The following PDSS2 variants were observed in gnomAD, a reference collection of about 807,000 sequenced individuals.
PDSS2 encodes decaprenyl diphosphate synthase subunit 2.
A neutral mutation model predicts 44.5 loss-of-function variants in PDSS2; 31 were observed. That is an observed-to-expected ratio of 0.70 (90% CI 0.52 to 0.94). The LOEUF (loss-of-function observed/expected upper bound fraction) is 0.94. PDSS2 is among the 40% of genes least tolerant of loss of function. PDSS2 has a pLI of 0.00. For synonymous variants in PDSS2, 157 were observed against 180.3 expected, an observed-to-expected ratio of 0.87 and a Z score of 1.03; for missense variants, 452 against 482.2, an observed-to-expected ratio of 0.94 and a Z score of 0.59.
At chr6:107,445,292 C>T (rs572340008) in intron 1 of PDSS2, among the ~76,000 whole-genome samples, 1 of 152,026 alleles carries the variant, frequency 6.6e-6, no homozygotes, top group African/African-American at 2.4e-5. Flanking sequence ...ACAGTTGATG[C>T]ATGTTGTTAC....
intron 3 of PDSS2, among the ~76,000 whole-genome samples, chr6:107,254,477 T>TG (rs1425647008): frequency 1.3e-5 from 2 of 152,234 alleles, no homozygotes; most frequent in African/African-American, 4.8e-5. Context: ...GAGAATTGAA[T>TG]ACTTGGTCAT....
At chr6:107,265,436 C>T (rs1007817043) in intron 3 of PDSS2, among the ~76,000 whole-genome samples, 1 of 152,056 alleles carries the variant, frequency 6.6e-6, no homozygotes, top group Admixed American at 6.6e-5. Context: ...ACTTTAATTA[C>T]CAATATACAT....
chr6:107,300,627 G>C (rs376172846), intron 2 of PDSS2, among the ~76,000 whole-genome samples: 18 of 152,304 alleles, frequency 1.2e-4, no homozygotes, highest in South Asian at 2.1e-4. Flanking sequence ...GAGAGCACAG[G>C]GGGAGGGACA....
intron 1 of PDSS2, among the ~76,000 whole-genome samples, chr6:107,407,722 T>C (rs1562520131): frequency 6.6e-6 from 1 of 152,172 alleles, no homozygotes; most frequent in Non-Finnish European, 1.5e-5. Context: ...TTTTTTGAGA[T>C]GGAGTCTCGC....
chr6:107,197,740 A>T, intron 6 of PDSS2: 3 of 454,770 alleles, frequency 6.6e-6, no homozygotes, highest in South Asian at 4.8e-5. Flanking sequence ...CACTGAGCAC[A>T]TCTGTCATTT....
At chr6:107,423,808 C>A (rs987271894) in intron 1 of PDSS2, among the ~76,000 whole-genome samples, 1 of 152,096 alleles carries the variant, frequency 6.6e-6, no homozygotes. Flanking sequence ...CACTCCTCTT[C>A]CTGATTTCCA....
At chr6:107,196,174 T>C (rs955322547) in intron 6 of PDSS2, among the ~76,000 whole-genome samples, 1 of 152,204 alleles carries the variant, frequency 6.6e-6, no homozygotes, top group Non-Finnish European at 1.5e-5. Context: ...TATTTTATAT[T>C]TATTCGTTTG....
At chr6:107,429,901 A>AAAAAAATATATAT (rs1166637352) in intron 1 of PDSS2, among the ~76,000 whole-genome samples, 19 of 31,816 alleles carry the variant, frequency 6.0e-4, no homozygotes, top group Non-Finnish European at 6.9e-4. Flanking sequence ...AAAAAAAAAA[A>AAAAAAATATATAT]ATATATATAT....
At chr6:107,288,568 G>A in intron 2 of PDSS2, among the ~76,000 whole-genome samples, 1 of 152,040 alleles carries the variant, frequency 6.6e-6, no homozygotes. Flanking sequence ...GATTTGGAGG[G>A]AAGTAGGGGA....
At chr6:107,242,397 G>A (rs1367161875) in intron 4 of PDSS2, among the ~76,000 whole-genome samples, 5 of 151,840 alleles carry the variant, frequency 3.3e-5, no homozygotes, top group Non-Finnish European at 7.4e-5. Context: ...CTGAGTAGCT[G>A]GGACCACAGG....
rs564179360 is a variant in PDSS2 at position 107,369,201 on chromosome 6, C to T, written c.297-34869G>A. ...TTGGGAGGCCAAGGTTGGCAGATCA[C>T]GAGGTCAGGAGTTCGAGACTAGCCT... is the stretch of plus-strand genomic sequence containing the variant. On this transcript the variant is annotated intron_variant, in intron 1 of 7. Transcript: ENST00000369037. Among the ~76,000 whole-genome samples the T allele has an allele frequency of 7.4e-4, 112 of 152,236 alleles. 1 individual carries two copies. The Middle Eastern group carries it at 0.014, about 18-fold the overall frequency.
At chr6:107,316,536 T>C (rs1777205291) in intron 2 of PDSS2, among the ~76,000 whole-genome samples, 1 of 152,180 alleles carries the variant, frequency 6.6e-6, no homozygotes, top group African/African-American at 2.4e-5. Flanking sequence ...CCTGAATGGA[T>C]TGTTAGGTGG....
chr6:107,192,173 G>C (rs936250842), intron 7 of PDSS2: 1 of 176,252 alleles, frequency 5.7e-6, no homozygotes, highest in African/African-American at 2.4e-5. Context: ...TCCACAGCCT[G>C]CGTTTGGGTA....
chr6:107,222,181 A>T (rs1343008054), intron 4 of PDSS2, among the ~76,000 whole-genome samples: 2 of 151,470 alleles, frequency 1.3e-5, no homozygotes, highest in African/African-American at 4.9e-5. Context: ...ATACCTTATT[A>T]TTTTTTTTAA....
intron 2 of PDSS2, among the ~76,000 whole-genome samples, chr6:107,322,985 C>T (rs1562461650): frequency 2.6e-5 from 4 of 152,202 alleles, no homozygotes; most frequent in Admixed American, 2.6e-4. Context: ...ATCAACACCA[C>T]CCACTTTCAG....
intron 7 of PDSS2, among the ~76,000 whole-genome samples, chr6:107,170,613 C>CTT (rs1562349448): frequency 2.1e-4 from 12 of 58,214 alleles, no homozygotes; most frequent in Non-Finnish European, 5.2e-4. Context: ...ACCACCCCCC[C>CTT]CCCCCCACTT....
intron 3 of PDSS2, among the ~76,000 whole-genome samples, chr6:107,262,418 A>G (rs980577182): frequency 2.3e-4 from 35 of 152,176 alleles, no homozygotes; most frequent in African/African-American, 8.2e-4. Context: ...GAAGACATAA[A>G]CCAAGGATCT....
chr6:107,192,864 G>T (rs891108909), intron 7 of PDSS2, among the ~76,000 whole-genome samples: 7 of 152,106 alleles, frequency 4.6e-5, no homozygotes, highest in African/African-American at 1.7e-4. Flanking sequence ...GCCCCACTAG[G>T]CTGCCAGGAG....
rs10534330 is a variant in PDSS2, at chr6:107,397,180, A to AT, written c.296+61809dup. 7.8e-3 allele frequency among the ~76,000 whole-genome samples: 1,156 copies of AT among 147,794 alleles called. 9 individuals carry two copies. Among genetic ancestry groups the AT allele is most frequent in the African/African-American group, 0.023 (914 of 40,208 alleles). On this transcript the variant is annotated intron_variant, in intron 1 of 7. Transcript: ENST00000369037. ...TCTGTGGATCCCCAGGGGTCCTGAGATTTTTTTTTTTTTTTGGTGGTCGAG... is the reference window on the plus strand; with the variant it reads ...TCTGTGGATCCCCAGGGGTCCTGAGATTTTTTTTTTTTTTTTGGTGGTCGAG...
Sources: gnomAD v4.1 joint callset for allele counts (sites outside exome capture counted in the v4.1 genomes callset) on GRCh38, gnomAD v4.1.1 for gene constraint, MANE v1.5 for transcripts, NCBI Gene and HGNC (gene_info 2026-07-23, HGNC 2026-07-21) for gene names.